NRG3: variants seen among roughly 807,000 people sequenced by gnomAD.
NRG3 encodes the protein neuregulin 3, also known as pro-neuregulin-3, membrane-bound isoform.
A neutral mutation model predicts 66.9 loss-of-function variants in NRG3; 31 were observed. The observed-to-expected ratio is 0.46, with a 90% CI of 0.35 to 0.63. NRG3 has a LOEUF of 0.63. NRG3 is among the 20% of genes least tolerant of loss of function. NRG3 has a pLI of 0.00. For missense variants in NRG3, 910 were observed against 878.9 expected, an observed-to-expected ratio of 1.04 and a Z score of -0.45; for synonymous variants, 393 against 359.4, an observed-to-expected ratio of 1.09 and a Z score of -1.06.
intron 8 of NRG3, among the ~76,000 whole-genome samples, chr10:82,979,904 T>C (rs940663510): frequency 2.0e-5 from 3 of 152,192 alleles, no homozygotes; most frequent in African/African-American, 7.2e-5. Context: ...TGCTCTTATC[T>C]ATAAATTGAG....
intron 2 of NRG3, among the ~76,000 whole-genome samples, chr10:82,465,165 A>G (rs1224403798): frequency 1.3e-5 from 2 of 152,236 alleles, no homozygotes; most frequent in Non-Finnish European, 2.9e-5. Context: ...TTAACTAAAT[A>G]ACGGTGCTGG....
At chr10:82,647,880 G>A (rs1313909313) in intron 2 of NRG3, among the ~76,000 whole-genome samples, 1 of 148,484 alleles carries the variant, frequency 6.7e-6, no homozygotes, top group Non-Finnish European at 1.5e-5. Context: ...ATTTGTTTGA[G>A]TTCATTGTAG....
chr10:82,720,118 A>T (rs1398156472), intron 2 of NRG3, among the ~76,000 whole-genome samples: 1 of 152,202 alleles, frequency 6.6e-6, no homozygotes, highest in African/African-American at 2.4e-5. Context: ...GGCTGGGCAC[A>T]GTGGCTCATG....
At chr10:82,307,453 G>A (rs561670846) in intron 1 of NRG3, among the ~76,000 whole-genome samples, 1 of 152,056 alleles carries the variant, frequency 6.6e-6, no homozygotes, top group Non-Finnish European at 1.5e-5. Context: ...ATCGTAGGTT[G>A]TTACATTATG....
chr10:82,721,558 G>A (rs987056082), intron 2 of NRG3, among the ~76,000 whole-genome samples: 4 of 152,074 alleles, frequency 2.6e-5, no homozygotes, highest in Non-Finnish European at 5.9e-5. Flanking sequence ...GAGTAGCTAG[G>A]ATTACAGGCA....
At chr10:82,634,656 G>T (rs1232424868) in intron 2 of NRG3, among the ~76,000 whole-genome samples, 1 of 152,120 alleles carries the variant, frequency 6.6e-6, no homozygotes, top group Non-Finnish European at 1.5e-5. Context: ...TCAGTCCAAT[G>T]GTTTTTCCTG....
intron 3 of NRG3, among the ~76,000 whole-genome samples, chr10:82,853,298 T>C (rs1465859504): frequency 6.6e-6 from 1 of 152,188 alleles, no homozygotes; most frequent in Non-Finnish European, 1.5e-5. Context: ...TTCATATGAA[T>C]TTTAGGATTG....
chr10:82,985,508 C>G lies in NRG3; in HGVS notation c.1994C>G (p.Thr665Arg). 2 of 1,614,080 alleles carry G rather than the reference C, an allele frequency of 1.2e-6. No individual in the cohort carries two copies. The highest frequency in any genetic ancestry group is 2.7e-5 in the African/African-American group (2 of 75,040). Residue 665 changes from threonine to arginine, a missense_variant, in exon 9 of 9, where the codon ACA becomes AGA. Physicochemically the swap from Thr to Arg is moderately conservative, Grantham distance 71 (BLOSUM62 -1). Coordinates refer to ENST00000372141, the MANE Select transcript of NRG3 (RefSeq NM_001010848.4). ...VETEDSASEN[T>R]AFLPLSPTAK... ...ACCGAGGACAGTGCAAGCGAAAACACAGCCTTTCTCCCCCTGAGTCCCACA... is the reference window on the plus strand; with the variant it reads ...ACCGAGGACAGTGCAAGCGAAAACAGAGCCTTTCTCCCCCTGAGTCCCACA...
chr10:82,722,826 C>A (rs1296688675), intron 2 of NRG3, among the ~76,000 whole-genome samples: 1 of 152,188 alleles, frequency 6.6e-6, no homozygotes, highest in Non-Finnish European at 1.5e-5. Flanking sequence ...TCATTATTCT[C>A]AGTTTCCAAA....
chr10:82,541,910 T>A, intron 2 of NRG3, among the ~76,000 whole-genome samples: 1 of 152,194 alleles, frequency 6.6e-6, no homozygotes, highest in Non-Finnish European at 1.5e-5. Flanking sequence ...AACCAGACTT[T>A]TTAAAAACAT....
chr10:82,440,362 A>ATTTT (rs5786552), intron 2 of NRG3, among the ~76,000 whole-genome samples: 1 of 136,258 alleles, frequency 7.3e-6, no homozygotes, highest in Non-Finnish European at 1.6e-5. Context: ...TGCCTGTTTG[A>ATTTT]TTTTTTTTTT....
intron 2 of NRG3, among the ~76,000 whole-genome samples, chr10:82,569,284 A>G (rs1208666450): frequency 3.3e-5 from 5 of 151,836 alleles, no homozygotes; most frequent in African/African-American, 1.2e-4. Context: ...GCATTGGATT[A>G]GATATTTTAA....
chr10:82,815,043 T>C (rs2061647574), intron 3 of NRG3, among the ~76,000 whole-genome samples: 1 of 152,232 alleles, frequency 6.6e-6, no homozygotes, highest in Admixed American at 6.5e-5. Flanking sequence ...TCATGATTGT[T>C]GCTCTGAGAG....
At chr10:82,344,508 A>C (rs2082875667) in intron 1 of NRG3, among the ~76,000 whole-genome samples, 1 of 147,074 alleles carries the variant, frequency 6.8e-6, no homozygotes, top group Non-Finnish European at 1.5e-5. Flanking sequence ...ATTGTGAATA[A>C]TGCCGCAATA....
At chr10:82,816,976 C>T (rs995050413) in intron 3 of NRG3, among the ~76,000 whole-genome samples, 2 of 152,254 alleles carry the variant, frequency 1.3e-5, no homozygotes, top group African/African-American at 4.8e-5. Context: ...GACCCCTCTA[C>T]TAGAAAGTAA....
At chr10:82,694,263 A>G (rs947588026) in intron 2 of NRG3, among the ~76,000 whole-genome samples, 5 of 152,212 alleles carry the variant, frequency 3.3e-5, no homozygotes, top group Non-Finnish European at 7.3e-5. Context: ...TGATGGGTGC[A>G]TTTACAAGCC....
At chr10:82,591,039 A>G (rs1202322895) in intron 2 of NRG3, among the ~76,000 whole-genome samples, 1 of 152,238 alleles carries the variant, frequency 6.6e-6, no homozygotes, top group Non-Finnish European at 1.5e-5. Flanking sequence ...GGTTAAGGCA[A>G]GAGTCCTGGG....
At chr10:82,062,744 A>G (rs1340744289) in intron 1 of NRG3, among the ~76,000 whole-genome samples, 1 of 152,164 alleles carries the variant, frequency 6.6e-6, no homozygotes, top group Non-Finnish European at 1.5e-5. Flanking sequence ...GGGGAAAAGT[A>G]TCATCATCAA....
At chr10:82,581,545 T>A (rs1189587524) in intron 2 of NRG3, among the ~76,000 whole-genome samples, 1 of 152,070 alleles carries the variant, frequency 6.6e-6, no homozygotes, top group African/African-American at 2.4e-5. Flanking sequence ...GAAAGTAGAA[T>A]GATAGTTACT....
Sources: allele counts gnomAD v4.1 joint callset (sites outside exome capture counted in the v4.1 genomes callset), GRCh38; gene constraint gnomAD v4.1.1; transcripts MANE v1.5; gene names NCBI Gene and HGNC (gene_info 2026-07-23, HGNC 2026-07-21).